TYR: variants seen among roughly 807,000 people sequenced by gnomAD.
The protein encoded by TYR is tyrosinase.
TYR carries 58 observed loss-of-function variants against 51.5 expected under a neutral mutation model. The ratio of observed to expected loss-of-function variants is 1.13; its 90% CI spans 0.91 to 1.40. TYR has a LOEUF of 1.40. TYR is among the 40% of genes most tolerant of loss of function. The pLI is 0.00. For synonymous variants in TYR, 263 were observed against 235.2 expected (o/e 1.12, Z -1.08); for missense variants, 732 against 647.4 (o/e 1.13, Z -1.42).
chr11:89,238,000 T>C (rs1408549289), intron 3 of TYR, among the ~76,000 whole-genome samples: 2 of 151,828 alleles, frequency 1.3e-5, no homozygotes, highest in African/African-American at 4.8e-5. Context: ...CATATCTGGC[T>C]AATTTTTGTA....
At chr11:89,249,848 G>A (rs2135298484) in intron 3 of TYR, among the ~76,000 whole-genome samples, 1 of 152,148 alleles carries the variant, frequency 6.6e-6, no homozygotes, top group South Asian at 2.1e-4. Context: ...CCACAGCAAG[G>A]TACTGGAGAT....
At chr11:89,204,849 G>A (rs1391375850) in intron 2 of TYR, among the ~76,000 whole-genome samples, 3 of 150,226 alleles carry the variant, frequency 2.0e-5, no homozygotes, top group Admixed American at 1.3e-4. Flanking sequence ...GACAGCAGAC[G>A]TTAACACTGA....
chr11:89,292,261 C>T (rs1322775517), intron 4 of TYR, among the ~76,000 whole-genome samples: 2 of 151,976 alleles, frequency 1.3e-5, no homozygotes, highest in African/African-American at 2.4e-5. Flanking sequence ...ATTCAGTAAA[C>T]ATGTTTATTC....
intron 1 of TYR, among the ~76,000 whole-genome samples, chr11:89,190,850 T>C (rs953731363): frequency 6.6e-6 from 1 of 152,114 alleles, no homozygotes; most frequent in African/African-American, 2.4e-5. Flanking sequence ...TTAGATAGGT[T>C]TAGATGTATA....
chr11:89,191,125 G>T, intron 1 of TYR, 77 bp from the exon 2 acceptor site: 4 of 1,277,334 alleles, frequency 3.1e-6, no homozygotes, highest in Non-Finnish European at 4.6e-6. Context: ...CGATAATTAG[G>T]AGTTCCAACA....
At position 89,178,708 on chromosome 11, in the gene TYR, T is replaced by G. The variant is rs1943262190; in HGVS notation, c.755T>G (p.Met252Arg). ...TGTGACATTTGCACAGATGAGTACA[T>G]GGGAGGTCAGCACCCCACAAATCCT... ...EKCDICTDEY[M>R]GGQHPTNPNL... The change falls in exon 1 of 5, where the codon ATG becomes AGG. Residue 252 changes from methionine (M) to arginine (R), a missense_variant. Physicochemically the swap from Met to Arg is moderately conservative, Grantham distance 91 (BLOSUM62 -1). Coordinates refer to ENST00000263321, the MANE Select transcript of TYR (RefSeq NM_000372.5). 6.2e-7 allele frequency: 1 copy of G among 1,614,110 alleles called. No homozygotes were observed. Among genetic ancestry groups the G allele is most frequent in the East Asian group, 2.2e-5 (1 of 44,858 alleles).
intron 3 of TYR, among the ~76,000 whole-genome samples, chr11:89,272,532 G>A (rs2135315817): frequency 6.6e-6 from 1 of 151,874 alleles, no homozygotes; most frequent in Admixed American, 6.6e-5. Flanking sequence ...GTTTTTGATG[G>A]CCTTTGGACT....
intron 1 of TYR, among the ~76,000 whole-genome samples, chr11:89,179,079 T>C (rs1943267864): frequency 6.6e-6 from 1 of 152,220 alleles, no homozygotes; most frequent in South Asian, 2.1e-4. Context: ...GTGCATTATG[T>C]ATTTTGTGAA....
chr11:89,265,222 T>C (rs1463417429), intron 3 of TYR, among the ~76,000 whole-genome samples: 2 of 151,974 alleles, frequency 1.3e-5, no homozygotes, highest in African/African-American at 4.8e-5. Context: ...ATAAAAACAA[T>C]GATTCTCACT....
At chr11:89,217,661 C>G (rs992838667) in intron 2 of TYR, among the ~76,000 whole-genome samples, 1 of 152,160 alleles carries the variant, frequency 6.6e-6, no homozygotes. Context: ...GTTTGAGTCT[C>G]TTCGTTGTTT....
intron 2 of TYR, among the ~76,000 whole-genome samples, chr11:89,194,922 C>T (rs1485103784): frequency 6.6e-6 from 1 of 152,120 alleles, no homozygotes; most frequent in Non-Finnish European, 1.5e-5. Context: ...TGAAATTAGC[C>T]ATGACTCCAA....
intron 3 of TYR, among the ~76,000 whole-genome samples, chr11:89,254,998 T>C (rs1944372931): frequency 6.6e-6 from 1 of 151,802 alleles, no homozygotes; most frequent in Non-Finnish European, 1.5e-5. Flanking sequence ...CCAGAGGTTT[T>C]GATAGGTCGT....
intron 2 of TYR, among the ~76,000 whole-genome samples, chr11:89,219,665 T>G (rs1490525290): frequency 6.6e-6 from 1 of 152,060 alleles, no homozygotes; most frequent in South Asian, 2.1e-4. Context: ...AGTAAAAAAA[T>G]TAAATTTGAT....
At chr11:89,292,275 C>T (rs1022271156) in intron 4 of TYR, among the ~76,000 whole-genome samples, 3 of 151,958 alleles carry the variant, frequency 2.0e-5, no homozygotes, top group African/African-American at 7.2e-5. Flanking sequence ...TTTATTCTCT[C>T]ATATGTGTTT....
chr11:89,223,017 T>C (rs1196688103), intron 2 of TYR, among the ~76,000 whole-genome samples: 1 of 152,198 alleles, frequency 6.6e-6, no homozygotes, highest in African/African-American at 2.4e-5. Flanking sequence ...CACAAATTCA[T>C]TGCAGGGGTA....
rs61754368 is a variant in TYR, at chr11:89,178,681, AGT to A, written c.732_733del (p.Cys244Ter). ...TATTGGGACTGGCGGGATGCAGAAA[AGT>A]GTGACATTTGCACAGATGAGTACAT... On this transcript the variant is annotated frameshift_variant, in exon 1 of 5. Transcript: ENST00000263321. LOFTEE classifies it high-confidence loss of function. The A allele has an allele frequency of 2.9e-5, 46 of 1,613,778 alleles. No homozygotes were observed. The highest frequency in any genetic ancestry group is 3.8e-5 in the Non-Finnish European group (45 of 1,179,836).
At chr11:89,255,547 T>C (rs539758894) in intron 3 of TYR, among the ~76,000 whole-genome samples, 36 of 151,810 alleles carry the variant, frequency 2.4e-4, no homozygotes, top group Non-Finnish European at 4.6e-4. Context: ...AAATTTTCCT[T>C]GTAGAAAAGA....
At chr11:89,191,916 G>T in intron 2 of TYR, 1 of 333,520 alleles carries the variant, frequency 3.0e-6, no homozygotes, top group Non-Finnish European at 5.8e-6. Context: ...TTCATTTCCA[G>T]AACATTTTGT....
At chr11:89,290,221 C>G (rs1311226112) in intron 4 of TYR, among the ~76,000 whole-genome samples, 4 of 151,924 alleles carry the variant, frequency 2.6e-5, no homozygotes, top group African/African-American at 7.2e-5. Context: ...AAAAGGTGCA[C>G]TATTGGGGCT....
Sources: gnomAD v4.1 joint callset for allele counts (sites outside exome capture counted in the v4.1 genomes callset) on GRCh38, gnomAD v4.1.1 for gene constraint, MANE v1.5 for transcripts, NCBI Gene and HGNC (gene_info 2026-07-23, HGNC 2026-07-21) for gene names.